SLC66A3: variants seen among roughly 807,000 people sequenced by gnomAD.
SLC66A3 encodes PQ loop repeat containing 3.
Under a neutral mutation model 25.5 loss-of-function variants are expected in SLC66A3, and 23 were observed. The ratio of observed to expected loss-of-function variants is 0.90; its 90% confidence interval spans 0.65 to 1.28. The LOEUF (loss-of-function observed/expected upper bound fraction) is 1.28, where lower values mean the gene tolerates loss of function less well. Ranked by LOEUF, SLC66A3 falls within the 50% of genes most tolerant of loss-of-function variation. The probability of loss-of-function intolerance (pLI) is 0.00; values close to 1 mark genes in which losing one functional copy is unlikely to be tolerated. For synonymous variants in SLC66A3, 108 were observed against 112.6 expected (o/e 0.96, Z 0.26); for missense variants, 246 against 262.1 (o/e 0.94, Z 0.42).
intron 5 of SLC66A3, 137 bp downstream of exon 5, chr2:11,172,182 C>G (rs936329246): frequency 6.1e-6 from 4 of 651,296 alleles, no homozygotes; most frequent in South Asian, 4.6e-5. Flanking sequence ...CTAGAACCTC[C>G]TAAGTGTATC....
In SLC66A3 at chr2:11,171,913, A is replaced by G; in HGVS notation, c.355-12A>G. The stretch of plus-strand genomic sequence containing the variant: ...TCGACTCGTGACTTTCTCACATTTT[A>G]TCTGCAAACAGAATCTATGTACTTT... On this transcript the variant is annotated splice_polypyrimidine_tract_variant and intron_variant, in intron 4 of 6. Transcript: ENST00000295083. 6.2e-7 allele frequency: 1 copy of G among 1,613,482 alleles called. No individual in the cohort carries two copies. The highest frequency in any genetic ancestry group is 8.5e-7 in the Non-Finnish European group (1 of 1,179,726).
At chr2:11,175,432 A>G (rs1357819189) in intron 6 of SLC66A3, among the ~76,000 whole-genome samples, 1 of 152,214 alleles carries the variant, frequency 6.6e-6, no homozygotes, top group Non-Finnish European at 1.5e-5. Flanking sequence ...TAGCCAGAGG[A>G]AAGGATGTGG....
chr2:11,174,835 TAAAA>T, intron 5 of SLC66A3, 129 bp from the exon 6 acceptor site: 1 of 528,592 alleles, frequency 1.9e-6, no homozygotes, highest in Non-Finnish European at 3.2e-6. Context: ...TATATGTTGT[TAAAA>T]AAAGAATAAA....
chr2:11,157,224 G>C (rs969485762), intron 1 of SLC66A3, among the ~76,000 whole-genome samples: 2 of 152,256 alleles, frequency 1.3e-5, no homozygotes, highest in African/African-American at 4.8e-5. Context: ...GTGAAAGCTA[G>C]ACCTCTGGCA....
chr2:11,158,183 G>T (rs1661974623), intron 1 of SLC66A3, among the ~76,000 whole-genome samples: 1 of 152,190 alleles, frequency 6.6e-6, no homozygotes, highest in South Asian at 2.1e-4. Flanking sequence ...CGGCTGGCAT[G>T]ATTTTATTAT....
chr2:11,173,416 A>G (rs182032296), intron 5 of SLC66A3, among the ~76,000 whole-genome samples: 3 of 152,316 alleles, frequency 2.0e-5, no homozygotes, highest in Admixed American at 6.5e-5. Flanking sequence ...AGCCTTTTAA[A>G]AAGTTTGTCT....
At chr2:11,157,948 C>T (rs1435753475) in intron 1 of SLC66A3, among the ~76,000 whole-genome samples, 1 of 152,210 alleles carries the variant, frequency 6.6e-6, no homozygotes, top group Non-Finnish European at 1.5e-5. Flanking sequence ...GCCCTGCCTG[C>T]AGCCTTCCAT....
At chr2:11,160,295 T>G (rs1662069714) in intron 1 of SLC66A3, 171 bp from the exon 2 acceptor site, 1 of 642,536 alleles carries the variant, frequency 1.6e-6, no homozygotes, top group African/African-American at 1.8e-5. Context: ...ATTGTACAGA[T>G]GATTCAACTG....
At chr2:11,173,663 G>A (rs1262748123) in intron 5 of SLC66A3, among the ~76,000 whole-genome samples, 1 of 152,218 alleles carries the variant, frequency 6.6e-6, no homozygotes, top group East Asian at 1.9e-4. Flanking sequence ...TGTGCTAAAT[G>A]CAGAATGTGT....
At chr2:11,163,686 T>C (rs1662204894) in intron 3 of SLC66A3, among the ~76,000 whole-genome samples, 1 of 152,188 alleles carries the variant, frequency 6.6e-6, no homozygotes. Context: ...CTGGCCTCTA[T>C]TCCCGTGGCG....
At chr2:11,159,812 C>G (rs1483564873) in intron 1 of SLC66A3, among the ~76,000 whole-genome samples, 1 of 152,172 alleles carries the variant, frequency 6.6e-6, no homozygotes, top group Non-Finnish European at 1.5e-5. Flanking sequence ...GCAGGAAGCT[C>G]TGCCTTTTCT....
chr2:11,176,138 G>C (rs1471519990), intron 6 of SLC66A3, among the ~76,000 whole-genome samples: 2 of 152,144 alleles, frequency 1.3e-5, no homozygotes, highest in Non-Finnish European at 2.9e-5. Flanking sequence ...AAAAGATCAA[G>C]ATTGTTCTAA....
At chr2:11,161,288 G>A (rs1186786630) in intron 3 of SLC66A3, among the ~76,000 whole-genome samples, 2 of 150,698 alleles carry the variant, frequency 1.3e-5, no homozygotes, top group African/African-American at 2.4e-5. Context: ...TTCATTTTTG[G>A]TTTTTATTTT....
chr2:11,177,541 T>C (rs1662804056), intron 6 of SLC66A3, among the ~76,000 whole-genome samples, 196 bp from the exon 7 acceptor site: 1 of 152,164 alleles, frequency 6.6e-6, no homozygotes, highest in African/African-American at 2.4e-5. Context: ...GATGATAAAT[T>C]ATTATTTATG....
At chr2:11,163,048 G>A (rs934395875) in intron 3 of SLC66A3, among the ~76,000 whole-genome samples, 2 of 152,174 alleles carry the variant, frequency 1.3e-5, no homozygotes, top group Admixed American at 6.5e-5. Flanking sequence ...AGACTAGCCT[G>A]GGCAACATAG....
At chr2:11,175,168 TTTA>T (rs904670245) in intron 6 of SLC66A3, among the ~76,000 whole-genome samples, 159 bp downstream of exon 6, 73 of 152,366 alleles carry the variant, frequency 4.8e-4, no homozygotes, top group African/African-American at 1.7e-3. Context: ...GGTCACCATT[TTTA>T]TTGTTAAGCC....
At chr2:11,162,314 C>T (rs1662156516) in intron 3 of SLC66A3, among the ~76,000 whole-genome samples, 1 of 152,214 alleles carries the variant, frequency 6.6e-6, no homozygotes, top group Non-Finnish European at 1.5e-5. Flanking sequence ...AGCTGTACTG[C>T]ACCTCAACAC....
At chr2:11,169,831 TTCTC>T (rs201735053) in intron 4 of SLC66A3, among the ~76,000 whole-genome samples, 1 of 130,528 alleles carries the variant, frequency 7.7e-6, no homozygotes, top group African/African-American at 3.1e-5. Flanking sequence ...CACCCTGGAT[TTCTC>T]TCTTTTTTTT....
chr2:11,171,644 C>T lies in SLC66A3; in HGVS notation c.355-281C>T, dbSNP rs540071587. ...AGTGCAGTGGCACGATCTCAACTCA[C>T]TGCAAGCTCCACCTCCCGGGTTCAT... is the stretch of plus-strand genomic sequence containing the variant. On this transcript the variant is annotated intron_variant, in intron 4 of 6. Transcript: ENST00000295083. Among the ~76,000 whole-genome samples the T allele has an allele frequency of 2.0e-5, 3 of 152,244 alleles. No homozygotes were observed. The South Asian group carries it at 6.2e-4, about 32-fold the overall frequency.
Sources: gnomAD v4.1 joint callset for allele counts (sites outside exome capture counted in the v4.1 genomes callset) on GRCh38, gnomAD v4.1.1 for gene constraint, MANE v1.5 for transcripts, NCBI Gene and HGNC (gene_info 2026-07-23, HGNC 2026-07-21) for gene names.